CFHR5: variants seen among roughly 807,000 people sequenced by gnomAD.
CFHR5 encodes complement factor H related 5.
CFHR5 carries 73 observed loss-of-function variants against 62.9 expected under a neutral mutation model. That is an observed-to-expected ratio of 1.16 (90% confidence interval 0.96 to 1.41). The LOEUF is 1.41. CFHR5 is among the 40% of genes most tolerant of loss of function. The probability of loss-of-function intolerance (pLI) is 0.00; values close to 1 mark genes in which losing one functional copy is unlikely to be tolerated. For synonymous variants in CFHR5, 249 were observed against 227.2 expected (o/e 1.10, Z -0.86); for missense variants, 779 against 679.9 (o/e 1.15, Z -1.62).
intron 9 of CFHR5, 136 bp downstream of exon 9, chr1:197,004,979 G>T: frequency 1.4e-6 from 1 of 710,700 alleles, no homozygotes; most frequent in Non-Finnish European, 2.3e-6. Flanking sequence ...ATACATACAA[G>T]GAAACATTTG....
intron 3 of CFHR5, among the ~76,000 whole-genome samples, chr1:196,987,634 T>G (rs1019521404): frequency 1.3e-5 from 2 of 152,084 alleles, no homozygotes; most frequent in African/African-American, 4.8e-5. Flanking sequence ...TTTCCCCATT[T>G]CTTGTTTTTC....
At chr1:196,996,975 AT>A (rs960923251) in intron 6 of CFHR5, among the ~76,000 whole-genome samples, 50 of 151,648 alleles carry the variant, frequency 3.3e-4, no homozygotes, top group African/African-American at 1.2e-3. Flanking sequence ...ACTTGCAGGT[AT>A]TTTTTTTCCC....
At chr1:196,991,095 CTCTT>C (rs1441110865) in intron 3 of CFHR5, among the ~76,000 whole-genome samples, 2 of 152,032 alleles carry the variant, frequency 1.3e-5, no homozygotes, top group Middle Eastern at 3.2e-3. Context: ...ACTTTCTTCT[CTCTT>C]TATTTCATTA....
chr1:196,976,799 C>CTTTT (rs10588279), upstream of CFHR5, among the ~76,000 whole-genome samples: 88 of 98,134 alleles, frequency 9.0e-4, 4 homozygotes, highest in East Asian at 8.7e-3. Flanking sequence ...AAAAATTATT[C>CTTTT]TTTTTTTTTT....
In CFHR5 at chr1:197,004,466, C is replaced by T. The variant is rs182992096; in HGVS notation, c.1331-195C>T. On this transcript the variant is annotated intron_variant, in intron 8 of 9. Coordinates refer to ENST00000256785, the MANE Select transcript of CFHR5 (RefSeq NM_030787.4). ...TCCTGCCTTCAATAAAAAGTATTCC[C>T]GGTATTTTATATGAATTTCACTTTA... 3.0e-4 allele frequency among the ~76,000 whole-genome samples: 46 copies of T among 152,034 alleles called. No homozygotes were observed. The East Asian group carries it at 7.7e-3, about 26-fold the overall frequency.
At chr1:196,975,508 G>A (rs1653376556), upstream of CFHR5, among the ~76,000 whole-genome samples, 1 of 152,186 alleles carries the variant, frequency 6.6e-6, no homozygotes, top group Non-Finnish European at 1.5e-5. Context: ...AAATCTGGTA[G>A]AGACCATAAC....
chr1:196,999,720 T>C (rs34845597), intron 7 of CFHR5, among the ~76,000 whole-genome samples: 2,153 of 43,778 alleles, frequency 0.049, 48 homozygotes, highest in East Asian at 0.15. Context: ...TATATATATA[T>C]ATACACACAC....
intron 3 of CFHR5, among the ~76,000 whole-genome samples, chr1:196,989,551 G>A (rs1055175318): frequency 6.6e-6 from 1 of 152,126 alleles, no homozygotes; most frequent in African/African-American, 2.4e-5. Context: ...ATGTGTCCCA[G>A]AGATTCTGGT....
In CFHR5 at chr1:196,984,078, A is replaced by C; in HGVS notation, c.371A>C (p.Glu124Ala). The C allele has an allele frequency of 6.2e-7, 1 of 1,613,876 alleles. No homozygotes were observed. The highest frequency in any genetic ancestry group is 1.3e-5 in the African/African-American group (1 of 75,052). Residue 124 changes from glutamate (E) to alanine (A), a missense_variant, in exon 3 of 10, where the codon GAG becomes GCG. Physicochemically the swap from Glu to Ala is moderately radical, Grantham distance 107. Transcript: ENST00000256785. ...ACAGGATACAGCCTTCAAAACAATG[A>C]GAAAAACATTTCGTGTGTAGAACGG... Reference protein sequence around the residue: ...CNTGYSLQNNEKNISCVERGW... With the variant: ...CNTGYSLQNNAKNISCVERGW...
At chr1:196,985,727 T>C (rs1444824731) in intron 3 of CFHR5, among the ~76,000 whole-genome samples, 1 of 152,190 alleles carries the variant, frequency 6.6e-6, no homozygotes, top group Non-Finnish European at 1.5e-5. Context: ...CCATACAAGC[T>C]GGCTCTGTGT....
intron 3 of CFHR5, among the ~76,000 whole-genome samples, chr1:196,986,407 A>T (rs371508055): frequency 6.6e-6 from 1 of 152,066 alleles, no homozygotes; most frequent in South Asian, 2.1e-4. Context: ...TCTAGGGTAC[A>T]TGCGCACAAC....
chr1:197,002,170 AT>A (rs1558290001), intron 7 of CFHR5, among the ~76,000 whole-genome samples: 1 of 152,140 alleles, frequency 6.6e-6, no homozygotes, highest in Non-Finnish European at 1.5e-5. Context: ...TTAGAAAAAA[AT>A]TAAAGAAATT....
In CFHR5 at chr1:197,005,681, G is replaced by A. The variant is rs181193871; in HGVS notation, c.1513+838G>A. 2.0e-5 allele frequency among the ~76,000 whole-genome samples: 3 copies of A among 152,204 alleles called. No homozygotes were observed. The East Asian group carries it at 5.8e-4, about 29-fold the overall frequency. ...TCCATAAACCCCTCTGTTTTCTGGT[G>A]TCCAAAAGAGACACCATGGTAATAA... is the stretch of plus-strand genomic sequence containing the variant. On this transcript the variant is annotated intron_variant, in intron 9 of 9. Coordinates refer to ENST00000256785, the MANE Select transcript of CFHR5 (RefSeq NM_030787.4).
At chr1:196,997,152 A>G (rs1487704336) in intron 6 of CFHR5, among the ~76,000 whole-genome samples, 1 of 152,094 alleles carries the variant, frequency 6.6e-6, no homozygotes, top group Non-Finnish European at 1.5e-5. Context: ...CTTTTGGATA[A>G]TCAACTGGCC....
At chr1:196,981,621 A>G (rs1653543469) in intron 1 of CFHR5, among the ~76,000 whole-genome samples, 2 of 152,014 alleles carry the variant, frequency 1.3e-5, no homozygotes, top group South Asian at 2.1e-4. Flanking sequence ...GTGAGTGTCT[A>G]TATAAATATA....
chr1:196,988,683 A>G (rs1392867274), intron 3 of CFHR5, among the ~76,000 whole-genome samples: 3 of 152,094 alleles, frequency 2.0e-5, no homozygotes, highest in Non-Finnish European at 4.4e-5. Context: ...ATTAGTTTGT[A>G]TATGTTGAAC....
At position 196,977,699 on chromosome 1, in the gene CFHR5, G is replaced by T. The variant is rs1291068959; in HGVS notation, c.35G>T (p.Trp12Leu). 1.9e-6 allele frequency: 3 copies of T among 1,612,872 alleles called. No individual in the cohort carries two copies. The highest frequency in any genetic ancestry group is 2.5e-6 in the Non-Finnish European group (3 of 1,179,146). ...LLLFSVILISWVSTVGGEGTL... is the reference protein window; with the variant it reads ...LLLFSVILISLVSTVGGEGTL... ...TTATTCAGTGTAATCCTAATCTCAT[G>T]GGTATCCACTGTTGGGGGAGAAGGT... Residue 12 changes from tryptophan (W) to leucine (L), a missense_variant, in exon 1 of 10, where the codon TGG becomes TTG. By Grantham distance (61) the Trp-to-Leu change is moderately conservative. Transcript: ENST00000256785.
At position 196,996,171 on chromosome 1, in the gene CFHR5, G is replaced by A; in HGVS notation, c.940G>A (p.Gly314Arg). Residue 314 changes from glycine to arginine, a missense_variant, in exon 6 of 10, where the codon GGA (glycine) becomes AGA (arginine). Gly to Arg is a moderately radical substitution (Grantham distance 125, BLOSUM62 -2). Transcript: ENST00000256785. ...IGNNMITCINGIWTELPMCVA... is the reference protein window; with the variant it reads ...IGNNMITCINRIWTELPMCVA... ...AAATAACATGATTACCTGTATTAAT[G>A]GAATATGGACAGAGCTTCCTATGTG... The A allele has an allele frequency of 6.2e-7, 1 of 1,612,834 alleles. No individual in the cohort carries two copies. The highest frequency in any genetic ancestry group is 2.2e-5 in the East Asian group (1 of 44,832).
At position 196,998,112 on chromosome 1, in the gene CFHR5, ATAT is replaced by A; in HGVS notation, c.971-11_971-9del. The A allele has an allele frequency of 7.0e-7, 1 of 1,436,432 alleles. No individual in the cohort carries two copies. Among genetic ancestry groups the A allele is most frequent in the Non-Finnish European group, 9.5e-7 (1 of 1,047,412 alleles). 89.0% of individuals were successfully genotyped at this position (1,436,432 alleles called of 1,614,324 possible). On this transcript the variant is annotated splice_polypyrimidine_tract_variant and intron_variant, in intron 6 of 9. Coordinates refer to ENST00000256785, the MANE Select transcript of CFHR5 (RefSeq NM_030787.4). Reference sequence around the variant, plus strand: ...GACATAATTGTTTAGTTTCTATTTAATATTATTTTTTATAGCAACACACCAACT... The same window carrying A: ...GACATAATTGTTTAGTTTCTATTTAATATTTTTTATAGCAACACACCAACT...
Sources: allele counts gnomAD v4.1 joint callset (sites outside exome capture counted in the v4.1 genomes callset), GRCh38; gene constraint gnomAD v4.1.1; transcripts MANE v1.5; gene names NCBI Gene and HGNC (gene_info 2026-07-23, HGNC 2026-07-21).